BCAR1: variants seen among roughly 807,000 people sequenced by gnomAD.
BCAR1 encodes the protein BCAR1 scaffold protein, Cas family member.
In BCAR1, 30 loss-of-function variants were observed where a neutral mutation model predicts 67.6. The observed-to-expected ratio is 0.44, with a 90% CI of 0.33 to 0.60. The LOEUF (loss-of-function observed/expected upper bound fraction) is 0.60, where lower values mean the gene tolerates loss of function less well. Among genes scored for constraint, BCAR1 ranks in the 20% least tolerant of loss-of-function variants. The pLI is 0.02. For synonymous variants in BCAR1, 626 were observed against 556.7 expected (o/e 1.12, Z -1.75); for missense variants, 1,313 against 1,222.3 (o/e 1.07, Z -1.11).
In BCAR1 at chr16:75,235,436, C is replaced by T. The variant is rs1327863570; in HGVS notation, c.1463G>A (p.Gly488Glu). 1 of 1,608,298 alleles carries T rather than the reference C, an allele frequency of 6.2e-7. No individual in the cohort carries two copies. Among genetic ancestry groups the T allele is most frequent in the Non-Finnish European group, 8.5e-7 (1 of 1,179,248 alleles). Residue 488 changes from glycine to glutamate, a missense_variant, in exon 5 of 7, where the codon GGG (glycine) becomes GAG (glutamate). Gly to Glu is a moderately conservative substitution (Grantham distance 98). This residue lies in a region of BCAR1 where 1,272 missense variants were observed against 1,137.5 expected (regional missense o/e 1.12). Coordinates refer to ENST00000162330, the MANE Select transcript of BCAR1 (RefSeq NM_014567.5). ...TGGCTCAGAGGGGCTACGCCAGCTCCCAGTCGCACCGGCGCTGCCTGCCAG... is the reference window on the plus strand; with the variant it reads ...TGGCTCAGAGGGGCTACGCCAGCTCTCAGTCGCACCGGCGCTGCCTGCCAG... The part of the protein sequence containing the change: ...LDLAGSAGAT[G>E]SWRSPSEPQE...
intron 1 of BCAR1, chr16:75,250,836 G>A (rs1163999681): frequency 5.1e-6 from 5 of 985,380 alleles, no homozygotes; most frequent in Non-Finnish European, 6.0e-6. Flanking sequence ...CCTGTGGCCA[G>A]GACCCGGCTT....
chr16:75,251,753 G>A (rs963686647), upstream of BCAR1: 9 of 898,528 alleles, frequency 1.0e-5, no homozygotes, highest in South Asian at 2.5e-4. Flanking sequence ...CGGGCGCGCA[G>A]ACAGAAGCCC....
At chr16:75,238,634 A>T in intron 2 of BCAR1, 1 of 986,268 alleles carries the variant, frequency 1.0e-6, no homozygotes, top group Non-Finnish European at 1.2e-6. Context: ...CTAGGTCTCC[A>T]GCACGCCTGG....
upstream of BCAR1, chr16:75,252,393 G>A: frequency 1.3e-6 from 2 of 1,490,662 alleles, no homozygotes; most frequent in Non-Finnish European, 8.9e-7. Flanking sequence ...GGGTAGGAGA[G>A]CGGCACTGGG....
rs184995287 is a variant in BCAR1, at chr16:75,264,199, G to C, written c.66+3716C>G. 1,564 of 1,335,260 alleles carry C rather than the reference G, an allele frequency of 1.2e-3. 2 individuals are homozygous for C. Among genetic ancestry groups the C allele is most frequent in the Admixed American group, 8.5e-3 (255 of 30,092 alleles). 82.7% of individuals were successfully genotyped at this position (1,335,260 alleles called of 1,614,324 possible). ...GGCTGCCCAAAGTCCTGTAAGGCAA[G>C]GGGTCAGGGTGCCATCCCAGACTCC... On this transcript the variant is annotated intron_variant, in intron 1 of 6. Coordinates refer to the BCAR1 transcript ENST00000393422.
intron 3 of BCAR1, 36 bp from the exon 4 acceptor site, chr16:75,237,034 G>A (rs2077164731): frequency 1.3e-6 from 2 of 1,547,760 alleles, no homozygotes; most frequent in Non-Finnish European, 1.7e-6. Context: ...ACGGCGCCAG[G>A]GCCACTTGGG....
At chr16:75,264,532 G>A in intron 1 of BCAR1, 1 of 1,399,666 alleles carries the variant, frequency 7.1e-7, no homozygotes, top group African/African-American at 1.4e-5. Context: ...AAGACGAGAC[G>A]ATTATGCTCT....
intron 2 of BCAR1, chr16:75,238,050 G>C: frequency 7.8e-7 from 1 of 1,289,066 alleles, no homozygotes; most frequent in Non-Finnish European, 1.0e-6. Context: ...AGTGGGGGAA[G>C]TGGGTCCAGG....
At chr16:75,231,507 G>A (rs1034048241) in intron 6 of BCAR1, among the ~76,000 whole-genome samples, 2 of 152,166 alleles carry the variant, frequency 1.3e-5, no homozygotes, top group African/African-American at 4.8e-5. Flanking sequence ...ATTCTTCACC[G>A]ATACAAAAAT....
At chr16:75,239,853 C>T (rs563742771) in intron 2 of BCAR1, among the ~76,000 whole-genome samples, 18 of 152,196 alleles carry the variant, frequency 1.2e-4, no homozygotes, top group African/African-American at 3.9e-4. Flanking sequence ...GCTTCTAGGG[C>T]GAGGAGGGTG....
chr16:75,238,781 T>A, intron 2 of BCAR1: 1 of 985,500 alleles, frequency 1.0e-6, no homozygotes, highest in Non-Finnish European at 1.2e-6. Context: ...CAGAACTATT[T>A]TTAGATGCAG....
intron 1 of BCAR1, among the ~76,000 whole-genome samples, chr16:75,265,443 G>C (rs574332749): frequency 2.0e-5 from 3 of 152,274 alleles, no homozygotes; most frequent in Non-Finnish European, 4.4e-5. Context: ...GAGCGGCAGA[G>C]ACCCCTCCCC....
intron 1 of BCAR1, chr16:75,247,328 G>C (rs923641010): frequency 6.6e-6 from 1 of 152,632 alleles, no homozygotes; most frequent in African/African-American, 2.4e-5. Flanking sequence ...CAATATCCCA[G>C]CTGTTGCACA....
chr16:75,267,993 C>T, exon 1 of BCAR1: 2 of 1,568,706 alleles, frequency 1.3e-6, no homozygotes, highest in Non-Finnish European at 1.7e-6. Flanking sequence ...CCTCTCCTGA[C>T]ACTACCAGGT....
Position 75,234,889 on chromosome 16 carries a change from C to A in BCAR1, c.2010G>T (p.Gln670His). ...WMEDYDYVHL[Q>H]GKEEFEKTQK... ...CCGGGGCTGGGCAGGCGGCACCCACCTGTAGGTGGACGTAGTCATAGTCCT... is the reference window on the plus strand; with the variant it reads ...CCGGGGCTGGGCAGGCGGCACCCACATGTAGGTGGACGTAGTCATAGTCCT... Residue 670 changes from glutamine (Q) to histidine (H), a missense_variant and splice_region_variant, in exon 5 of 7, where the codon CAG (glutamine) becomes CAT (histidine). By Grantham distance (24) the Gln-to-His change is conservative. Transcript: ENST00000162330. The A allele has an allele frequency of 6.5e-7, 1 of 1,531,044 alleles. No homozygotes were observed. Among genetic ancestry groups the A allele is most frequent in the Non-Finnish European group, 8.8e-7 (1 of 1,135,736 alleles). 94.8% of individuals were successfully genotyped at this position (1,531,044 alleles called of 1,614,324 possible). A position where few individuals can be genotyped will look rare whatever the true frequency, so the allele number is the denominator to read the frequency against.
intron 1 of BCAR1, among the ~76,000 whole-genome samples, chr16:75,259,846 CATCT>C (rs2077860954): frequency 1.1e-5 from 1 of 94,830 alleles, no homozygotes; most frequent in Non-Finnish European, 2.0e-5. Context: ...AATGAGACTC[CATCT>C]AAAAAAAAAA....
Position 75,233,878 on chromosome 16 carries a change from G to T in BCAR1, c.2068C>A (p.Arg690=), listed in dbSNP as rs142603608. 1.2e-6 allele frequency: 2 copies of T among 1,609,934 alleles called. No homozygotes were observed. Among genetic ancestry groups the T allele is most frequent in the African/African-American group, 2.7e-5 (2 of 74,850 alleles). Residue 690 remains arginine (R), a synonymous_variant, in exon 6 of 7, where the codon CGG becomes AGG. Transcript: ENST00000162330. ...KELLEKGSIT[R]QGKSQLELQQ... ...AACTCCAGCTGGCTCTTGCCCTGCC[G>T]CGTGATGCTGCCCTTTTCCAGCAGC...
intron 1 of BCAR1, among the ~76,000 whole-genome samples, chr16:75,262,323 C>T (rs2077922135): frequency 6.6e-6 from 1 of 152,222 alleles, no homozygotes; most frequent in Non-Finnish European, 1.5e-5. Context: ...GCGGGGCAAG[C>T]AGTCATGGGT....
At chr16:75,237,019 G>A in intron 3 of BCAR1, 21 bp from the exon 4 acceptor site, 1 of 1,568,292 alleles carries the variant, frequency 6.4e-7, no homozygotes, top group Non-Finnish European at 8.7e-7. Context: ...AACAGTGCAG[G>A]GTTAACGGCG....
Sources: gnomAD v4.1 joint callset for allele counts (sites outside exome capture counted in the v4.1 genomes callset) on GRCh38, gnomAD v4.1.1 for gene constraint, gnomAD v4.1.1 regional missense constraint, MANE v1.5 for transcripts, NCBI Gene and HGNC (gene_info 2026-07-23, HGNC 2026-07-21) for gene names.